The following SLC9A9 variants were observed in gnomAD, a reference collection of about 807,000 sequenced individuals.
The protein encoded by SLC9A9 is solute carrier family 9 member A9, also known as sodium/hydrogen exchanger 9.
Under a neutral mutation model 77.8 loss-of-function variants are expected in SLC9A9, and 62 were observed. The ratio of observed to expected loss-of-function variants is 0.80; its 90% CI spans 0.65 to 0.98. SLC9A9 has a LOEUF of 0.98. Among genes scored for constraint, SLC9A9 ranks in the 50% least tolerant of loss-of-function variants. The pLI, the probability that SLC9A9 is intolerant of heterozygous loss-of-function variation, is 0.00. For synonymous variants in SLC9A9, 320 were observed against 283.5 expected (o/e 1.13, Z -1.29); for missense variants, 775 against 774.9 (o/e 1.00, Z 0.00).
At chr3:143,785,550 G>A (rs2008021815) in intron 4 of SLC9A9, among the ~76,000 whole-genome samples, 2 of 152,164 alleles carry the variant, frequency 1.3e-5, no homozygotes, top group African/African-American at 4.8e-5. Context: ...AGCCTAAATT[G>A]TTGAGCCACA....
chr3:143,369,729 T>C (rs762916375), intron 13 of SLC9A9, among the ~76,000 whole-genome samples: 4 of 152,334 alleles, frequency 2.6e-5, no homozygotes, highest in Admixed American at 1.3e-4. Flanking sequence ...TCATACTTAA[T>C]GGCTCATTTT....
At chr3:143,734,885 C>G (rs995548257) in intron 4 of SLC9A9, among the ~76,000 whole-genome samples, 1 of 152,080 alleles carries the variant, frequency 6.6e-6, no homozygotes, top group African/African-American at 2.4e-5. Context: ...CTCTAGATGG[C>G]TAAAGAAAAT....
At chr3:143,544,811 T>C (rs1259825173) in intron 9 of SLC9A9, among the ~76,000 whole-genome samples, 2 of 152,230 alleles carry the variant, frequency 1.3e-5, no homozygotes, top group African/African-American at 2.4e-5. Flanking sequence ...GTCCTACATT[T>C]AAGTCTTTAA....
chr3:143,804,306 A>G (rs1376303430), intron 2 of SLC9A9, among the ~76,000 whole-genome samples: 1 of 152,124 alleles, frequency 6.6e-6, no homozygotes, highest in African/African-American at 2.4e-5. Context: ...CCCCTTGCTC[A>G]TCAGACTCTC....
At chr3:143,786,714 C>G (rs897456298) in intron 4 of SLC9A9, among the ~76,000 whole-genome samples, 2 of 152,120 alleles carry the variant, frequency 1.3e-5, no homozygotes, top group African/African-American at 4.8e-5. Flanking sequence ...TTGGCTGTGT[C>G]AGGGCAGCAG....
intron 9 of SLC9A9, among the ~76,000 whole-genome samples, chr3:143,499,866 G>A (rs2035898843): frequency 6.6e-6 from 1 of 152,026 alleles, no homozygotes. Context: ...TTAAAATGTT[G>A]TTAATTACAT....
chr3:143,555,781 C>T (rs1329660040), intron 8 of SLC9A9, among the ~76,000 whole-genome samples: 1 of 152,164 alleles, frequency 6.6e-6, no homozygotes, highest in East Asian at 1.9e-4. Flanking sequence ...ATTTCCTTGC[C>T]TCCAGTAGAA....
intron 6 of SLC9A9, among the ~76,000 whole-genome samples, chr3:143,587,413 C>A (rs1296137176): frequency 6.6e-6 from 1 of 152,228 alleles, no homozygotes; most frequent in Non-Finnish European, 1.5e-5. Context: ...TCAGGGAAGG[C>A]TTCTCTGACA....
intron 9 of SLC9A9, among the ~76,000 whole-genome samples, chr3:143,511,064 G>A (rs1434338885): frequency 1.3e-5 from 2 of 152,138 alleles, no homozygotes; most frequent in Admixed American, 6.5e-5. Context: ...AGAGAATTTG[G>A]GGGTGCAGAA....
At chr3:143,789,232 T>G (rs890793164) in intron 4 of SLC9A9, among the ~76,000 whole-genome samples, 1 of 152,118 alleles carries the variant, frequency 6.6e-6, no homozygotes, top group Non-Finnish European at 1.5e-5. Flanking sequence ...CCACCCTGAG[T>G]GCATCCTAGA....
At chr3:143,756,058 C>T (rs2006914587) in intron 4 of SLC9A9, among the ~76,000 whole-genome samples, 1 of 152,158 alleles carries the variant, frequency 6.6e-6, no homozygotes, top group African/African-American at 2.4e-5. Context: ...CTCCAAGGAC[C>T]TAGTCTCTAA....
chr3:143,748,994 C>A (rs1452321248), intron 4 of SLC9A9, among the ~76,000 whole-genome samples: 1 of 152,094 alleles, frequency 6.6e-6, no homozygotes, highest in East Asian at 1.9e-4. Flanking sequence ...TGAGCCACCG[C>A]GCCCGGCCTG....
intron 9 of SLC9A9, among the ~76,000 whole-genome samples, chr3:143,551,556 A>C (rs1576571879): frequency 6.6e-6 from 1 of 152,042 alleles, no homozygotes; most frequent in Non-Finnish European, 1.5e-5. Flanking sequence ...CCAGATCTTT[A>C]CCTAGTTAAC....
At chr3:143,656,568 T>G (rs2038892969) in intron 5 of SLC9A9, among the ~76,000 whole-genome samples, 1 of 152,172 alleles carries the variant, frequency 6.6e-6, no homozygotes, top group Admixed American at 6.5e-5. Flanking sequence ...ACCCCTATTT[T>G]CTAAGTGTTT....
At chr3:143,330,150 G>T (rs956005719) in intron 14 of SLC9A9, among the ~76,000 whole-genome samples, 3 of 152,206 alleles carry the variant, frequency 2.0e-5, no homozygotes, top group Admixed American at 1.3e-4. Flanking sequence ...AGAGCAATCG[G>T]CAGGAGCAGT....
intron 12 of SLC9A9, among the ~76,000 whole-genome samples, chr3:143,438,971 G>GTCATTTAT (rs2034675161): frequency 6.6e-6 from 1 of 152,156 alleles, no homozygotes; most frequent in Non-Finnish European, 1.5e-5. Flanking sequence ...TGTTGATTTG[G>GTCATTTAT]TCATTTATTC....
chr3:143,709,739 A>G (rs746518964), intron 4 of SLC9A9, among the ~76,000 whole-genome samples: 1 of 152,166 alleles, frequency 6.6e-6, no homozygotes, highest in Non-Finnish European at 1.5e-5. Context: ...GTGAGGATTC[A>G]AGGCGTTGTT....
intron 12 of SLC9A9, among the ~76,000 whole-genome samples, chr3:143,399,008 TACACACAC>T (rs2033791667): frequency 2.3e-5 from 1 of 43,502 alleles, no homozygotes; most frequent in African/African-American, 1.3e-4. Flanking sequence ...CACACACACA[TACACACAC>T]ATACATATAT....
chr3:143,478,359 G>A (rs758810081), intron 11 of SLC9A9, among the ~76,000 whole-genome samples: 1 of 152,198 alleles, frequency 6.6e-6, no homozygotes, highest in Non-Finnish European at 1.5e-5. Flanking sequence ...GCCTGTGAAT[G>A]ACAGGCAGGG....
Sources: allele counts gnomAD v4.1 joint callset (sites outside exome capture counted in the v4.1 genomes callset), GRCh38; gene constraint gnomAD v4.1.1; transcripts MANE v1.5; gene names NCBI Gene and HGNC (gene_info 2026-07-23, HGNC 2026-07-21).